The following CDH23 variants were observed in gnomAD, a reference collection of about 807,000 sequenced individuals.
The protein encoded by CDH23 is cadherin related 23.
CDH23 carries 189 observed loss-of-function variants against 317.1 expected under a neutral mutation model. That is an observed-to-expected ratio of 0.60 (90% CI 0.53 to 0.67). The LOEUF is 0.67. Among genes scored for constraint, CDH23 ranks in the 30% least tolerant of loss-of-function variants. The pLI, the probability that CDH23 is intolerant of heterozygous loss-of-function variation, is 0.00. For missense variants in CDH23, 4,401 were observed against 4,592.4 expected (o/e 0.96, Z 1.20); for synonymous variants, 1,839 against 1,876.8 (o/e 0.98, Z 0.52).
intron 11 of CDH23, among the ~76,000 whole-genome samples, chr10:71,641,516 C>T (rs1862550045): frequency 6.6e-6 from 1 of 152,208 alleles, no homozygotes; most frequent in East Asian, 1.9e-4. Context: ...GATTCTTCTC[C>T]ACACTCCGTG....
chr10:71,663,290 C>T (rs1037256982), intron 14 of CDH23, among the ~76,000 whole-genome samples: 5 of 152,162 alleles, frequency 3.3e-5, no homozygotes, highest in African/African-American at 9.7e-5. Context: ...CTTCCAATGC[C>T]GGCTTTCGTA....
intron 3 of CDH23, among the ~76,000 whole-genome samples, chr10:71,492,873 C>T (rs533699564): frequency 1.9e-4 from 29 of 152,286 alleles, no homozygotes; most frequent in Non-Finnish European, 2.8e-4. Context: ...GGGATTGATT[C>T]AGCGCTCCTC....
chr10:71,789,963 G>A (rs1460562596), intron 45 of CDH23, among the ~76,000 whole-genome samples: 1 of 152,220 alleles, frequency 6.6e-6, no homozygotes, highest in African/African-American at 2.4e-5. Context: ...CACATGGGGA[G>A]GGGATGTCAG....
intron 3 of CDH23, among the ~76,000 whole-genome samples, chr10:71,500,627 A>T (rs1012702544): frequency 6.6e-6 from 1 of 152,190 alleles, no homozygotes; most frequent in African/African-American, 2.4e-5. Context: ...AGAAGGCTGT[A>T]TTCAGGAGCT....
chr10:71,753,099 G>T, intron 38 of CDH23: 1 of 1,462,452 alleles, frequency 6.8e-7, no homozygotes, highest in South Asian at 1.2e-5. Context: ...GGGAACAGGA[G>T]CGAGCCCAGG....
At chr10:71,425,367 G>GGAGA in intron 1 of CDH23, among the ~76,000 whole-genome samples, 2 of 144,680 alleles carry the variant, frequency 1.4e-5, no homozygotes, top group African/African-American at 2.6e-5. Context: ...GAGAAAGAGA[G>GGAGA]AGGAGAAGGA....
Position 71,797,226 on chromosome 10 carries a change from G to A in CDH23, c.6829+6G>A, listed in dbSNP as rs377616243. The A allele has an allele frequency of 6.2e-5, 99 of 1,591,346 alleles. No homozygotes were observed. Among genetic ancestry groups the A allele is most frequent in the Middle Eastern group, 1.7e-4 (1 of 6,026 alleles). On this transcript the variant is annotated splice_donor_region_variant and intron_variant, in intron 49 of 69. Coordinates refer to ENST00000224721, the MANE Select transcript of CDH23 (RefSeq NM_022124.6). ...CTCTGTCAGTGTGCCAAATGGTAAGGTTCCCTGCAGACATCTCTCATTGGT... is the reference window on the plus strand; with the variant it reads ...CTCTGTCAGTGTGCCAAATGGTAAGATTCCCTGCAGACATCTCTCATTGGT...
intron 44 of CDH23, among the ~76,000 whole-genome samples, chr10:71,788,206 C>A (rs188956757): frequency 8.5e-5 from 13 of 152,218 alleles, no homozygotes; most frequent in African/African-American, 2.6e-4. Context: ...AGCCATCATG[C>A]CCAGCTAATT....
intron 3 of CDH23, among the ~76,000 whole-genome samples, chr10:71,471,755 C>T (rs1486449968): frequency 6.6e-6 from 1 of 152,130 alleles, no homozygotes; most frequent in Non-Finnish European, 1.5e-5. Context: ...TACACCTGCC[C>T]TAGGTTTCCT....
chr10:71,615,923 G>A lies in CDH23; in HGVS notation c.945+307G>A, dbSNP rs962735841. On this transcript the variant is annotated intron_variant, in intron 10 of 69. Coordinates refer to ENST00000224721, the MANE Select transcript of CDH23 (RefSeq NM_022124.6). ...GCTCATCCTGTGGTCCTTCCTTACT[G>A]TTGTCCCAGGATTCCAAGTTCTCTG... Among the ~76,000 whole-genome samples the A allele has an allele frequency of 2.6e-5, 4 of 152,226 alleles. No homozygotes were observed. The South Asian group carries it at 6.2e-4, about 24-fold the overall frequency.
intron 9 of CDH23, among the ~76,000 whole-genome samples, chr10:71,590,893 A>AAC (rs1859443078): frequency 7.1e-6 from 1 of 140,672 alleles, no homozygotes; most frequent in Non-Finnish European, 1.5e-5. Flanking sequence ...AAAACAAAAA[A>AAC]AAACAAAAAA....
At chr10:71,679,991 C>T (rs1293726244) in intron 17 of CDH23, among the ~76,000 whole-genome samples, 1 of 152,190 alleles carries the variant, frequency 6.6e-6, no homozygotes, top group African/African-American at 2.4e-5. Flanking sequence ...TCAGATAAAG[C>T]AGCTAAGGCC....
intron 60 of CDH23, among the ~76,000 whole-genome samples, chr10:71,809,209 CTGTT>C (rs1169262904): frequency 2.5e-5 from 2 of 80,126 alleles, no homozygotes; most frequent in African/African-American, 8.0e-5. Context: ...GACTCTCACT[CTGTT>C]TGTTGCCCAG....
chr10:71,701,605 C>G (rs1018033548), intron 22 of CDH23, among the ~76,000 whole-genome samples: 10 of 152,108 alleles, frequency 6.6e-5, no homozygotes, highest in African/African-American at 1.7e-4. Flanking sequence ...AACACTCCCC[C>G]AGCCCTGCGA....
chr10:71,483,508 C>G (rs1852181249), intron 3 of CDH23, among the ~76,000 whole-genome samples: 1 of 152,178 alleles, frequency 6.6e-6, no homozygotes, highest in Admixed American at 6.5e-5. Flanking sequence ...TCCCAGCCTC[C>G]CTCAAGAACC....
chr10:71,658,971 G>A (rs1376696856), intron 14 of CDH23, among the ~76,000 whole-genome samples: 3 of 152,182 alleles, frequency 2.0e-5, no homozygotes, highest in African/African-American at 7.2e-5. Flanking sequence ...TCCTCATCTG[G>A]AAAATGAAAG....
intron 11 of CDH23, among the ~76,000 whole-genome samples, chr10:71,643,589 C>T (rs545663402): frequency 2.6e-5 from 4 of 152,058 alleles, no homozygotes; most frequent in South Asian, 2.1e-4. Context: ...CCCTTCATGC[C>T]GTTGAGCCTC....
At chr10:71,636,296 G>A (rs189166437) in intron 11 of CDH23, among the ~76,000 whole-genome samples, 16 of 152,258 alleles carry the variant, frequency 1.1e-4, no homozygotes, top group African/African-American at 3.1e-4. Flanking sequence ...GAGGCGGGAG[G>A]ATGGCTTGAG....
At chr10:71,772,064 G>A (rs1195316885) in intron 38 of CDH23, among the ~76,000 whole-genome samples, 1 of 152,168 alleles carries the variant, frequency 6.6e-6, no homozygotes, top group Non-Finnish European at 1.5e-5. Flanking sequence ...CATGGCCTTG[G>A]TGCTGAGACT....
Sources: gnomAD v4.1 joint callset for allele counts (sites outside exome capture counted in the v4.1 genomes callset) on GRCh38, gnomAD v4.1.1 for gene constraint, MANE v1.5 for transcripts, NCBI Gene and HGNC (gene_info 2026-07-23, HGNC 2026-07-21) for gene names.